Variants in MIDEAS observed in about 807,000 individuals in gnomAD.
The protein encoded by MIDEAS is mitotic deacetylase associated SANT domain protein.
MIDEAS carries 26 observed loss-of-function variants against 102.7 expected under a neutral mutation model. The observed-to-expected ratio is 0.25, with a 90% CI of 0.19 to 0.35. MIDEAS has a LOEUF of 0.35. MIDEAS is among the 10% of genes least tolerant of loss of function. MIDEAS has a pLI of 1.00. For missense variants in MIDEAS, 1,231 were observed against 1,435.6 expected (o/e 0.86, Z 2.30); for synonymous variants, 585 against 591.0 (o/e 0.99, Z 0.15).
intron 1 of MIDEAS, among the ~76,000 whole-genome samples, chr14:73,771,907 A>T (rs778956904): frequency 1.9e-4 from 29 of 152,380 alleles, no homozygotes; most frequent in Non-Finnish European, 3.7e-4. Context: ...TGCCAGTTGG[A>T]ACTGCAGAAG....
At chr14:73,770,526 G>A (rs939967529) in intron 1 of MIDEAS, among the ~76,000 whole-genome samples, 1 of 152,152 alleles carries the variant, frequency 6.6e-6, no homozygotes, top group African/African-American at 2.4e-5. Context: ...ATTGTGACTG[G>A]GTGGGGATGG....
At chr14:73,781,270 G>C (rs2053754756) in intron 1 of MIDEAS, among the ~76,000 whole-genome samples, 1 of 152,120 alleles carries the variant, frequency 6.6e-6, no homozygotes, top group Admixed American at 6.6e-5. Flanking sequence ...TATAAAACTG[G>C]GGCTGGATGA....
chr14:73,786,263 C>T (rs2108762), intron 1 of MIDEAS, among the ~76,000 whole-genome samples: 30 of 152,218 alleles, frequency 2.0e-4, no homozygotes, highest in Non-Finnish European at 2.8e-4. Flanking sequence ...CTTTAAAAAA[C>T]CCTGCGCCAC....
At chr14:73,751,743 A>G (rs1324668502) in intron 1 of MIDEAS, among the ~76,000 whole-genome samples, 1 of 152,112 alleles carries the variant, frequency 6.6e-6, no homozygotes, top group Non-Finnish European at 1.5e-5. Flanking sequence ...TCTACTAAAA[A>G]TACAAAATTA....
chr14:73,773,074 A>G (rs1879696605), intron 1 of MIDEAS, among the ~76,000 whole-genome samples: 1 of 151,978 alleles, frequency 6.6e-6, no homozygotes, highest in Non-Finnish European at 1.5e-5. Flanking sequence ...CTGACCTCAG[A>G]TGATCCGCCC....
In MIDEAS at chr14:73,738,540, C is replaced by CT; in HGVS notation, c.1449+19_1449+20insA. 4 of 1,515,348 alleles carry CT rather than the reference C, an allele frequency of 2.6e-6. No individual in the cohort carries two copies. The Admixed American group carries it at 6.2e-5, about 23-fold the overall frequency. The allele number at this position is 1,515,348 out of a possible 1,614,324, so 93.9% of individuals were successfully genotyped here. ...CTGATGCCCTCTGCCAGGTGTGGCTCCACTGCATGCCACTCTCACCTTTGC... is the reference window on the plus strand; with the variant it reads ...CTGATGCCCTCTGCCAGGTGTGGCTCTCACTGCATGCCACTCTCACCTTTGC... On this transcript the variant is annotated intron_variant, in intron 2 of 12. Transcript: ENST00000423556.
At position 73,742,360 on chromosome 14, in the gene MIDEAS, C is replaced by T. The variant is rs926808875; in HGVS notation, c.-247-2105G>A. 2.0e-5 allele frequency among the ~76,000 whole-genome samples: 3 copies of T among 148,492 alleles called. No individual in the cohort carries two copies. The highest frequency in any genetic ancestry group is 5.3e-5 in the African/African-American group (2 of 38,042). ...TCCACGTGGCGGGTGGGCCTGGATG[C>T]ACGTGCCAGTGTGAACCTGATGGAG... On this transcript the variant is annotated intron_variant, in intron 1 of 12. Coordinates refer to ENST00000423556, the MANE Select transcript of MIDEAS (RefSeq NM_001367710.1). This position sits in a 1 kb window ranked among gnomAD's most constrained non-coding sequence, Gnocchi z 4.4.
At chr14:73,773,849 C>A (rs1397156310) in intron 1 of MIDEAS, among the ~76,000 whole-genome samples, 1 of 151,496 alleles carries the variant, frequency 6.6e-6, no homozygotes, top group African/African-American at 2.4e-5. Flanking sequence ...ATGGTAAAAC[C>A]CTGTCTCTAC....
Position 73,717,603 on chromosome 14 carries a change from G to A in MIDEAS, c.*1240C>T, listed in dbSNP as rs1566578646. ...CAGAGCAACCAGGTGAGGGACCTTAGGGCCTTGGGAATTTAGGGGGTGGGG... is the reference window on the plus strand; with the variant it reads ...CAGAGCAACCAGGTGAGGGACCTTAAGGCCTTGGGAATTTAGGGGGTGGGG... On this transcript the variant is annotated 3_prime_UTR_variant, in exon 13 of 13. Transcript: ENST00000423556. 6.6e-6 allele frequency: 1 copy of A among 152,656 alleles called. No individual in the cohort carries two copies. Among genetic ancestry groups the A allele is most frequent in the Non-Finnish European group, 1.5e-5 (1 of 68,052 alleles). The allele number at this position is 152,656 out of a possible 1,614,324, so 9.5% of individuals were successfully genotyped here.
chr14:73,726,839 G>C lies in MIDEAS; in HGVS notation c.2296C>G (p.Gln766Glu), dbSNP rs756435107. Residue 766 changes from glutamine (Q) to glutamate (E), a missense_variant, in exon 6 of 13, where the codon CAG (glutamine) becomes GAG (glutamate). Transcript: ENST00000423556. ...WEDLESSREK[Q>E]RQVEDLLTAA... ...CCAGGCCCCTCCTCACCTTGCCTCT[G>C]CTTCTCCCGGCTGCTCTCTAGGTCC... 6.2e-7 allele frequency: 1 copy of C among 1,609,670 alleles called. No individual in the cohort carries two copies. The highest frequency in any genetic ancestry group is 2.2e-5 in the East Asian group (1 of 44,744).
At chr14:73,752,859 G>A (rs527513884) in intron 1 of MIDEAS, among the ~76,000 whole-genome samples, 3 of 152,154 alleles carry the variant, frequency 2.0e-5, no homozygotes, top group African/African-American at 2.4e-5. Flanking sequence ...CACAGCATGC[G>A]GGCACAGCAG....
intron 9 of MIDEAS, chr14:73,724,976 T>C: frequency 3.5e-6 from 1 of 287,694 alleles, no homozygotes; most frequent in East Asian, 7.9e-5. Context: ...CTTGCCACCC[T>C]CCTCCGCATC....
At position 73,715,737 on chromosome 14, in the gene MIDEAS, C is replaced by T. The variant is rs2052876501; in HGVS notation, c.*3106G>A. ...CTGAGGCTTGAGTATGTGTTGTATT[C>T]CTCCTTCATCTTAACATCTGGCACA... On this transcript the variant is annotated 3_prime_UTR_variant, in exon 13 of 13. Transcript: ENST00000423556. 6.6e-6 allele frequency: 1 copy of T among 152,582 alleles called. No individual in the cohort carries two copies. The highest frequency in any genetic ancestry group is 1.5e-5 in the Non-Finnish European group (1 of 68,042). 9.5% of individuals were successfully genotyped at this position (152,582 alleles called of 1,614,324 possible).
At chr14:73,730,191 CAG>C (rs1566587222) in intron 3 of MIDEAS, 2 of 714,774 alleles carry the variant, frequency 2.8e-6, no homozygotes, top group Non-Finnish European at 5.2e-6. Context: ...TGTAAGGGGC[CAG>C]AGAGTAAATA....
chr14:73,789,166 A>G (rs1001588367), upstream of MIDEAS: 2 of 152,056 alleles, frequency 1.3e-5, no homozygotes, highest in African/African-American at 2.4e-5. Flanking sequence ...AGCTGAATCC[A>G]TTGACTGAGT....
intron 12 of MIDEAS, 97 bp from the exon 13 acceptor site, chr14:73,719,105 C>A: frequency 6.9e-7 from 1 of 1,456,206 alleles, no homozygotes; most frequent in Non-Finnish European, 9.0e-7. Context: ...TTCACCCCCA[C>A]GCTGCACAGC....
Position 73,738,777 on chromosome 14 carries a change from G to C in MIDEAS, c.1232C>G (p.Pro411Arg), listed in dbSNP as rs1330062896. ...PLELRESQLL[P>R]DGERLAPNGR... ...ATTGGGTGCTAGTCTCTCCCCATCA[G>C]GCAGTAGCTGCGACTCCCTCAGCTC... The change falls in exon 2 of 13, where the codon CCT becomes CGT. Residue 411 changes from proline (P) to arginine (R), a missense_variant. Pro to Arg is a moderately radical substitution (Grantham distance 103). Around this residue, in one of 5 missense-constraint regions of MIDEAS, gnomAD observed 758 missense variants for 856.0 expected, o/e 0.89. Coordinates refer to ENST00000423556, the MANE Select transcript of MIDEAS (RefSeq NM_001367710.1). 3.8e-6 allele frequency: 6 copies of C among 1,588,722 alleles called. No homozygotes were observed. Among genetic ancestry groups the C allele is most frequent in the Non-Finnish European group, 5.1e-6 (6 of 1,166,402 alleles).
At chr14:73,730,518 G>A (rs962239710) in intron 3 of MIDEAS, among the ~76,000 whole-genome samples, 4 of 152,158 alleles carry the variant, frequency 2.6e-5, no homozygotes, top group Non-Finnish European at 5.9e-5. Flanking sequence ...GGGTAACCAT[G>A]AGGACTGCAT....
chr14:73,764,513 A>T (rs1245459254), upstream of MIDEAS, among the ~76,000 whole-genome samples: 1 of 151,998 alleles, frequency 6.6e-6, no homozygotes, highest in Non-Finnish European at 1.5e-5. Context: ...CTTCTCTCCC[A>T]GCCTGTTCTT....
Sources: gnomAD v4.1 joint callset for allele counts (sites outside exome capture counted in the v4.1 genomes callset) on GRCh38, gnomAD v4.1.1 for gene constraint, gnomAD v4.1.1 regional missense constraint, Gnocchi (gnomAD v3.1) non-coding constraint, MANE v1.5 for transcripts, NCBI Gene and HGNC (gene_info 2026-07-23, HGNC 2026-07-21) for gene names.